SRPRB: variants seen among roughly 807,000 people sequenced by gnomAD.
SRPRB encodes signal recognition particle receptor subunit beta.
SRPRB carries 20 observed loss-of-function variants against 31.9 expected under a neutral mutation model. That is an observed-to-expected ratio of 0.63 (90% CI 0.44 to 0.91). SRPRB has a LOEUF of 0.91. SRPRB is among the 40% of genes least tolerant of loss of function. The pLI is 0.00. For synonymous variants in SRPRB, 146 were observed against 132.8 expected, an observed-to-expected ratio of 1.10 and a Z score of -0.68; for missense variants, 321 against 324.9, an observed-to-expected ratio of 0.99 and a Z score of 0.09.
At chr3:133,784,471 A>AATAATAAT (rs1553741976) in intron 1 of SRPRB, 10 of 105,596 alleles carry the variant, frequency 9.5e-5, no homozygotes, top group Admixed American at 1.8e-4. Context: ...TTTGTTAAAA[A>AATAATAAT]AATAATAATA....
intron 3 of SRPRB, among the ~76,000 whole-genome samples, chr3:133,808,245 G>A (rs1284593161): frequency 6.6e-6 from 1 of 151,970 alleles, no homozygotes; most frequent in Non-Finnish European, 1.5e-5. Flanking sequence ...CTCCTCAGAA[G>A]CAGTGACTTA....
At chr3:133,811,559 A>G (rs1935262231) in intron 4 of SRPRB, among the ~76,000 whole-genome samples, 1 of 151,736 alleles carries the variant, frequency 6.6e-6, no homozygotes, top group Non-Finnish European at 1.5e-5. Flanking sequence ...TTTAAATGCC[A>G]ACATCATTTA....
intron 3 of SRPRB, among the ~76,000 whole-genome samples, chr3:133,808,291 C>T (rs922241389): frequency 3.3e-5 from 5 of 151,212 alleles, no homozygotes; most frequent in Non-Finnish European, 5.9e-5. Flanking sequence ...ATGTTCTGTG[C>T]ATATACAAAC....
chr3:133,787,211 GTATC>G (rs1330945097), intron 1 of SRPRB: 1 of 152,186 alleles, frequency 6.6e-6, no homozygotes, highest in Non-Finnish European at 1.5e-5. Flanking sequence ...GTATGACAAA[GTATC>G]TAGTAAAATT....
At chr3:133,797,815 T>C (rs1935000692) in intron 1 of SRPRB, among the ~76,000 whole-genome samples, 1 of 152,246 alleles carries the variant, frequency 6.6e-6, no homozygotes. Context: ...AATATCCCTT[T>C]ATAAATGTCC....
chr3:133,805,572 T>G (rs1179950080), upstream of SRPRB: 2 of 331,068 alleles, frequency 6.0e-6, no homozygotes, highest in Non-Finnish European at 5.5e-6. Flanking sequence ...ATTCATTTCA[T>G]CATTCTTTCA....
intron 1 of SRPRB, chr3:133,794,463 T>C (rs542677160): frequency 6.6e-6 from 1 of 152,364 alleles, no homozygotes; most frequent in African/African-American, 2.4e-5. Context: ...AGAGGGCTGA[T>C]GTTATAACAC....
At chr3:133,819,154 A>G (rs1935419814) in intron 6 of SRPRB, among the ~76,000 whole-genome samples, 1 of 152,210 alleles carries the variant, frequency 6.6e-6, no homozygotes, top group African/African-American at 2.4e-5. Context: ...TAGACTCAAG[A>G]TAAAAATACA....
upstream of SRPRB, among the ~76,000 whole-genome samples, chr3:133,801,599 C>T (rs1182140249): frequency 5.3e-5 from 8 of 152,160 alleles, no homozygotes; most frequent in Admixed American, 6.5e-5. Context: ...AAGACAGTTA[C>T]GGTTGGAACT....
chr3:133,827,746 A>ACCCCACC, downstream of SRPRB: 1 of 72,114 alleles, frequency 1.4e-5, no homozygotes, highest in Non-Finnish European at 2.7e-5. Flanking sequence ...TGCAGACAAC[A>ACCCCACC]CCCCCCCCCC....
At chr3:133,801,227 A>C (rs930835005), upstream of SRPRB, among the ~76,000 whole-genome samples, 2 of 152,164 alleles carry the variant, frequency 1.3e-5, no homozygotes, top group Admixed American at 6.5e-5. Flanking sequence ...GAAGAGAAAA[A>C]TTCCCTGACT....
chr3:133,804,305 G>A (rs559027047), upstream of SRPRB, among the ~76,000 whole-genome samples: 50 of 151,804 alleles, frequency 3.3e-4, no homozygotes, highest in African/African-American at 1.2e-3. Context: ...GGTTTTGTGT[G>A]GCCCTGAGTG....
At chr3:133,822,991 C>A (rs540127107), downstream of SRPRB, among the ~76,000 whole-genome samples, 1 of 152,226 alleles carries the variant, frequency 6.6e-6, no homozygotes, top group Non-Finnish European at 1.5e-5. Flanking sequence ...CTAAACAAAA[C>A]GCAATTCCTG....
At chr3:133,824,042 C>CCAT (rs1265863866), downstream of SRPRB, among the ~76,000 whole-genome samples, 1 of 152,076 alleles carries the variant, frequency 6.6e-6, no homozygotes, top group South Asian at 2.1e-4. Flanking sequence ...TGAGTGTGTC[C>CCAT]CATCTTTACC....
intron 1 of SRPRB, chr3:133,796,226 A>G (rs1157335106): frequency 1.3e-5 from 2 of 153,042 alleles, no homozygotes; most frequent in Non-Finnish European, 2.9e-5. Context: ...CCCTGCCTTC[A>G]CTAGAAAGAG....
upstream of SRPRB, chr3:133,805,691 G>C (rs1398356346): frequency 2.1e-5 from 18 of 870,106 alleles, no homozygotes; most frequent in Admixed American, 2.1e-4. Flanking sequence ...CGGAGTCCCA[G>C]AGAACTACAA....
intron 2 of SRPRB, among the ~76,000 whole-genome samples, chr3:133,807,009 A>G (rs1216965081): frequency 6.6e-6 from 1 of 152,168 alleles, no homozygotes; most frequent in Non-Finnish European, 1.5e-5. Flanking sequence ...CTAGTGTCCT[A>G]CAGTTTATAA....
At chr3:133,828,222 G>A (rs1027197466), downstream of SRPRB, 5 of 549,812 alleles carry the variant, frequency 9.1e-6, no homozygotes, top group South Asian at 1.1e-4. Flanking sequence ...TACCTTTTCA[G>A]AGGCTGATGT....
At chr3:133,818,068 C>T (rs942578212) in intron 6 of SRPRB, among the ~76,000 whole-genome samples, 8 of 152,242 alleles carry the variant, frequency 5.3e-5, no homozygotes, top group African/African-American at 1.9e-4. Context: ...GCGAGTTTAT[C>T]ACCCTGTCCT....
Sources: gnomAD v4.1 joint callset for allele counts (sites outside exome capture counted in the v4.1 genomes callset) on GRCh38, gnomAD v4.1.1 for gene constraint, MANE v1.5 for transcripts, NCBI Gene and HGNC (gene_info 2026-07-23, HGNC 2026-07-21) for gene names.